Variants in CELF2 observed in about 807,000 individuals in gnomAD.
The protein encoded by CELF2 is CUGBP Elav-like family member 2.
CELF2 carries 8 observed loss-of-function variants against 62.6 expected under a neutral mutation model. The ratio of observed to expected loss-of-function variants is 0.13; its 90% CI spans 0.07 to 0.23. CELF2 has a LOEUF of 0.23. CELF2 is among the 10% of genes least tolerant of loss of function. The pLI is 1.00. For synonymous variants in CELF2, 258 were observed against 250.0 expected, an observed-to-expected ratio of 1.03 and a Z score of -0.30; for missense variants, 333 against 671.0, an observed-to-expected ratio of 0.50 and a Z score of 5.56.
Position 11,087,251 on chromosome 10 carries a change from A to T in CELF2, c.74+69088A>T, listed in dbSNP as rs569813985. The stretch of plus-strand genomic sequence containing the variant: ...TACCGGCTCCCAAACTGAATGAACA[A>T]TGTAAAAAGATTGATAGGTGATGAG... On this transcript the variant is annotated intron_variant, in intron 1 of 12. Transcript: ENST00000633077. Among the ~76,000 whole-genome samples the T allele has an allele frequency of 2.0e-5, 3 of 152,316 alleles. No individual in the cohort carries two copies. The East Asian group carries it at 5.8e-4, about 29-fold the overall frequency.
chr10:10,744,463 T>A, the CELF2 span, among the ~76,000 whole-genome samples: 4 of 152,244 alleles, frequency 2.6e-5, no homozygotes, highest in South Asian at 2.1e-4. Flanking sequence ...CTATGACACC[T>A]AATTATTCCC....
chr10:11,095,032 T>G (rs1463453889), intron 1 of CELF2, among the ~76,000 whole-genome samples: 3 of 152,234 alleles, frequency 2.0e-5, no homozygotes, highest in African/African-American at 7.2e-5. Context: ...GCTTTTGATC[T>G]TGAAGGTTGT....
the CELF2 span, among the ~76,000 whole-genome samples, chr10:10,696,227 G>A: frequency 1.7e-4 from 26 of 152,034 alleles, no homozygotes; most frequent in Admixed American, 1.3e-3. Context: ...TAACAGACAG[G>A]ACTCTCAGCT....
At chr10:10,814,256 CT>C (rs1734290441) in intron 1 of CELF2, among the ~76,000 whole-genome samples, 2 of 127,818 alleles carry the variant, frequency 1.6e-5, no homozygotes, top group South Asian at 5.7e-4. Flanking sequence ...TCTAAAGGGA[CT>C]GTAGGACTCT....
chr10:10,813,557 G>A (rs1016169170), intron 1 of CELF2, among the ~76,000 whole-genome samples: 5 of 152,184 alleles, frequency 3.3e-5, no homozygotes, highest in Admixed American at 1.3e-4. Flanking sequence ...CTGAGACTTC[G>A]CATGTGTCCT....
At chr10:11,068,780 T>C (rs1253067177) in intron 1 of CELF2, among the ~76,000 whole-genome samples, 5 of 152,184 alleles carry the variant, frequency 3.3e-5, no homozygotes, top group Non-Finnish European at 7.3e-5. Context: ...CAAGATGGTC[T>C]CGATCTCCTG....
chr10:10,897,253 CAAAA>C lies in CELF2; in HGVS notation c.54-22710_54-22707del, dbSNP rs370751868. Among the ~76,000 whole-genome samples, 328 of 152,052 alleles carry C rather than the reference CAAAA, an allele frequency of 2.2e-3. 1 individual carries two copies. Among genetic ancestry groups the C allele is most frequent in the African/African-American group, 7.5e-3 (311 of 41,474 alleles). On this transcript the variant is annotated intron_variant, in intron 1 of 13. Transcript: ENST00000636488. ...ATTTCAGGTGCTTCTGGTGAGGTCT[CAAAA>C]GAAATATGTTATCAGGCATGAGAGG...
intron 2 of CELF2, among the ~76,000 whole-genome samples, chr10:10,945,791 C>T (rs2047602490): frequency 6.6e-6 from 1 of 152,196 alleles, no homozygotes; most frequent in African/African-American, 2.4e-5. Flanking sequence ...CCCTCAGCAG[C>T]CACTCCAGGA....
chr10:11,139,870 C>A (rs924211914), intron 1 of CELF2, among the ~76,000 whole-genome samples: 1 of 151,840 alleles, frequency 6.6e-6, no homozygotes, highest in African/African-American at 2.4e-5. Context: ...GCAAACACCC[C>A]CTCAGGTCAT....
upstream of CELF2, chr10:11,005,288 GAGA>G: frequency 1.1e-5 from 18 of 1,586,538 alleles, no homozygotes; most frequent in East Asian, 6.7e-5. The surrounding 1 kb of genome is among the most constrained non-coding windows in gnomAD (Gnocchi z 4.3). Context: ...GAGAGAGAGA[GAGA>G]GAGGGAGGAG....
intron 1 of CELF2, among the ~76,000 whole-genome samples, chr10:11,069,842 G>A (rs760013579): frequency 1.3e-5 from 2 of 152,214 alleles, no homozygotes; most frequent in Non-Finnish European, 2.9e-5. Flanking sequence ...TGATCATGCA[G>A]CTACGAAAAG....
chr10:11,199,282 C>A (rs61830889), intron 2 of CELF2, among the ~76,000 whole-genome samples: 1 of 152,170 alleles, frequency 6.6e-6, no homozygotes, highest in African/African-American at 2.4e-5. Flanking sequence ...CTCCCCGATT[C>A]GGTTGCTGGT....
At chr10:10,608,473 A>C in the CELF2 span, among the ~76,000 whole-genome samples, 2 of 152,212 alleles carry the variant, frequency 1.3e-5, no homozygotes, top group African/African-American at 4.8e-5. Context: ...TAGATGCTGC[A>C]GATGTCTCTG....
intron 1 of CELF2, among the ~76,000 whole-genome samples, chr10:11,101,703 A>G (rs1294309751): frequency 6.6e-6 from 1 of 152,218 alleles, no homozygotes; most frequent in Non-Finnish European, 1.5e-5. Flanking sequence ...GGTTTTTACC[A>G]CTGTAGCACA....
rs2055107047 is a variant in CELF2 at position 11,005,591 on chromosome 10, A to G, written c.53+151A>G. On this transcript the variant is annotated intron_variant, in intron 1 of 12. Transcript: ENST00000416382. The surrounding 1 kb of genome is among the most constrained non-coding windows in gnomAD (Gnocchi z 4.3). ...AAAGAGGAAGAGGGAGATGAAATCG[A>G]GACCCAGAGATTGGGAGAAAGAGAG... Among the ~76,000 whole-genome samples, 1 of 152,212 alleles carries G rather than the reference A, an allele frequency of 6.6e-6. No homozygotes were observed. The highest frequency in any genetic ancestry group is 2.1e-4 in the South Asian group (1 of 4,828).
At chr10:11,074,934 T>C (rs1186160940) in intron 1 of CELF2, 1 of 152,250 alleles carries the variant, frequency 6.6e-6, no homozygotes, top group African/African-American at 2.4e-5. Context: ...AAAAGTTCAC[T>C]TTCAACCACT....
intron 2 of CELF2, among the ~76,000 whole-genome samples, chr10:10,986,286 A>G (rs1000171635): frequency 3.3e-5 from 5 of 152,228 alleles, no homozygotes; most frequent in Non-Finnish European, 7.3e-5. Flanking sequence ...AAATCAAAAT[A>G]CCAATAGAGA....
chr10:10,515,868 G>A, the CELF2 span, among the ~76,000 whole-genome samples: 1 of 152,154 alleles, frequency 6.6e-6, no homozygotes, highest in Non-Finnish European at 1.5e-5. Context: ...CTCCGAAACA[G>A]GGAAACATCT....
chr10:10,741,474 CAG>C, the CELF2 span, among the ~76,000 whole-genome samples: 1 of 113,704 alleles, frequency 8.8e-6, no homozygotes, highest in Non-Finnish European at 1.6e-5. Flanking sequence ...AGCCTGGCGA[CAG>C]AGAGAGACTC....
Sources: gnomAD v4.1 joint callset for allele counts (sites outside exome capture counted in the v4.1 genomes callset) on GRCh38, gnomAD v4.1.1 for gene constraint, Gnocchi (gnomAD v3.1) non-coding constraint, MANE v1.5 for transcripts, NCBI Gene and HGNC (gene_info 2026-07-23, HGNC 2026-07-21) for gene names.